Variants in ASAP3 observed in about 807,000 individuals in gnomAD.
ASAP3 encodes ArfGAP with SH3 domain, ankyrin repeat and PH domain 3.
Under a neutral mutation model 118.2 loss-of-function variants are expected in ASAP3, and 85 were observed. That is an observed-to-expected ratio of 0.72 (90% CI 0.60 to 0.86). The LOEUF (loss-of-function observed/expected upper bound fraction) is 0.86. Ranked by LOEUF, ASAP3 falls within the 40% of genes least tolerant of loss-of-function variation. The pLI is 0.00. For synonymous variants in ASAP3, 432 were observed against 477.4 expected (o/e 0.90, Z 1.24); for missense variants, 1,026 against 1,175.0 (o/e 0.87, Z 1.85).
chr1:23,435,808 G>A (rs768803681), intron 17 of ASAP3, 43 bp downstream of exon 17: 1 of 1,610,662 alleles, frequency 6.2e-7, no homozygotes, highest in African/African-American at 1.3e-5. Context: ...TGGGGAATAT[G>A]TTAGACAGGT....
intron 1 of ASAP3, among the ~76,000 whole-genome samples, chr1:23,462,271 G>A (rs2148646443): frequency 6.6e-6 from 1 of 151,562 alleles, no homozygotes; most frequent in South Asian, 2.1e-4. Context: ...TGATCCGCCT[G>A]CCTCGGCCTC....
chr1:23,435,734 G>A, intron 17 of ASAP3, 117 bp downstream of exon 17: 1 of 1,196,058 alleles, frequency 8.4e-7, no homozygotes, highest in Non-Finnish European at 1.2e-6. Flanking sequence ...ACTCTGATGG[G>A]TGAGATCTGA....
intron 1 of ASAP3, among the ~76,000 whole-genome samples, chr1:23,479,212 G>C (rs1297011820): frequency 6.6e-6 from 1 of 152,194 alleles, no homozygotes; most frequent in Admixed American, 6.5e-5. Flanking sequence ...ATGTGAGCAT[G>C]GGGGCTGTGC....
intron 5 of ASAP3, 124 bp from the exon 6 acceptor site, chr1:23,442,736 G>A: frequency 7.1e-7 from 1 of 1,418,276 alleles, no homozygotes; most frequent in South Asian, 1.4e-5. Flanking sequence ...CTGTGTGGTG[G>A]GGCTGGGTAC....
At position 23,439,676 on chromosome 1, in the gene ASAP3, T is replaced by C. The variant is rs371668363; in HGVS notation, c.945-446A>G. ...AATTAGCAAGTCCATGATCCAAAAC[T>C]CCGTAACACTTCTCCTGTAACAGGT... is the stretch of plus-strand genomic sequence containing the variant. On this transcript the variant is annotated intron_variant, in intron 10 of 24. Coordinates refer to ENST00000336689, the MANE Select transcript of ASAP3 (RefSeq NM_017707.4). 1.1e-4 allele frequency among the ~76,000 whole-genome samples: 16 copies of C among 152,306 alleles called. No individual in the cohort carries two copies. In the East Asian group the frequency reaches 1.9e-3, roughly 18 times the overall value.
chr1:23,478,485 G>A (rs1461107923), intron 1 of ASAP3, among the ~76,000 whole-genome samples: 1 of 151,090 alleles, frequency 6.6e-6, no homozygotes, highest in East Asian at 2.0e-4. Context: ...CTCCAGCCAG[G>A]TGCAGTGGCT....
intron 3 of ASAP3, among the ~76,000 whole-genome samples, chr1:23,455,029 C>T (rs969511665): frequency 2.0e-5 from 3 of 152,214 alleles, no homozygotes; most frequent in African/African-American, 7.2e-5. Flanking sequence ...GCCACAAGAG[C>T]TGGTCCAGTG....
At position 23,442,177 on chromosome 1, in the gene ASAP3, G is replaced by T. The variant is rs1404496960; in HGVS notation, c.671+9C>A. ...AGGGTTAGTGGCAGGGACGCGGGAA[G>T]ATACCTACTTGTGCTGGGCGTGGAA... On this transcript the variant is annotated intron_variant, in intron 7 of 24. Coordinates refer to ENST00000336689, the MANE Select transcript of ASAP3 (RefSeq NM_017707.4). 2 of 1,591,464 alleles carry T rather than the reference G, an allele frequency of 1.3e-6. No homozygotes were observed. Among genetic ancestry groups the T allele is most frequent in the Admixed American group, 1.8e-5 (1 of 55,424 alleles).
At position 23,441,152 on chromosome 1, in the gene ASAP3, G is replaced by C. The variant is rs1225443331; in HGVS notation, c.894C>G (p.Asn298Lys). 1 of 1,614,190 alleles carries C rather than the reference G, an allele frequency of 6.2e-7. No homozygotes were observed. The highest frequency in any genetic ancestry group is 1.1e-5 in the South Asian group (1 of 91,084). The change falls in exon 10 of 25, where the codon AAC becomes AAG. Residue 298 changes from asparagine (N) to lysine (K), a missense_variant. Physicochemically the swap from Asn to Lys is moderately conservative, Grantham distance 94. Transcript: ENST00000336689. ...CCACTTTCTCCGTCCCAAACTGCTT[G>C]TTGCCTTGGTGCTGGTGGATGCTAT... The part of the protein sequence containing the change: ...CGYSIHQHQG[N>K]KQFGTEKVGF...
chr1:23,436,372 G>A lies in ASAP3; in HGVS notation c.1571+188C>T, dbSNP rs755422234. Among the ~76,000 whole-genome samples the A allele has an allele frequency of 2.6e-5, 4 of 152,116 alleles. No individual in the cohort carries two copies. Among genetic ancestry groups the A allele is most frequent in the Non-Finnish European group, 5.9e-5 (4 of 68,018 alleles). On this transcript the variant is annotated intron_variant, in intron 16 of 24. Coordinates refer to ENST00000336689, the MANE Select transcript of ASAP3 (RefSeq NM_017707.4). This position sits in a 1 kb window ranked among gnomAD's most constrained non-coding sequence, Gnocchi z 4.2. ...CAGGCGGGGTTTTGCCATCTTAGCC[G>A]GGCTGGTCTCAAATTCCTGACCTCA... is the stretch of plus-strand genomic sequence containing the variant.
At chr1:23,464,888 C>T (rs1641717289) in intron 1 of ASAP3, among the ~76,000 whole-genome samples, 1 of 152,016 alleles carries the variant, frequency 6.6e-6, no homozygotes, top group African/African-American at 2.4e-5. Context: ...CTAATGCATG[C>T]TAAAGTTTGG....
intron 1 of ASAP3, among the ~76,000 whole-genome samples, chr1:23,478,879 G>A (rs1047743924): frequency 6.6e-6 from 1 of 152,196 alleles, no homozygotes; most frequent in Non-Finnish European, 1.5e-5. Context: ...GAACAGGATG[G>A]ACACAGCACC....
Position 23,437,487 on chromosome 1 carries a change from G to A in ASAP3, c.1103-15C>T. ...CGTCCGGTTGTCTGTCGGGAGAGAAGGGGGCTTCTGACCCACAGAAATGCT... is the reference window on the plus strand; with the variant it reads ...CGTCCGGTTGTCTGTCGGGAGAGAAAGGGGCTTCTGACCCACAGAAATGCT... On this transcript the variant is annotated splice_polypyrimidine_tract_variant and intron_variant, in intron 12 of 24. Coordinates refer to ENST00000336689, the MANE Select transcript of ASAP3 (RefSeq NM_017707.4). This position sits in a 1 kb window ranked among gnomAD's most constrained non-coding sequence, Gnocchi z 6.1. The A allele has an allele frequency of 2.5e-6, 4 of 1,613,980 alleles. No individual in the cohort carries two copies. Among genetic ancestry groups the A allele is most frequent in the Non-Finnish European group, 3.4e-6 (4 of 1,179,914 alleles).
At chr1:23,469,802 G>A (rs1259547055) in intron 1 of ASAP3, among the ~76,000 whole-genome samples, 1 of 152,210 alleles carries the variant, frequency 6.6e-6, no homozygotes, top group Non-Finnish European at 1.5e-5. Context: ...AGGTTAGGCA[G>A]TTTGCTCAAG....
intron 4 of ASAP3, among the ~76,000 whole-genome samples, 162 bp from the exon 5 acceptor site, chr1:23,451,690 C>T (rs1056638803): frequency 1.3e-5 from 2 of 152,146 alleles, no homozygotes; most frequent in Non-Finnish European, 2.9e-5. Context: ...GCAAACCTGC[C>T]CCCACCAAAC....
chr1:23,476,675 T>C lies in ASAP3; in HGVS notation c.129+7330A>G, dbSNP rs572477845. 5.9e-5 allele frequency among the ~76,000 whole-genome samples: 9 copies of C among 152,346 alleles called. No individual in the cohort carries two copies. In the South Asian group the frequency reaches 1.9e-3, roughly 32 times the overall value. ...CACTACCAGGGCCATCAAACTTGAA[T>C]ATGGCCTTGCCACCACCACCCAAAC... On this transcript the variant is annotated intron_variant, in intron 1 of 24. Transcript: ENST00000336689.
At chr1:23,441,322 C>T in intron 9 of ASAP3, 65 bp downstream of exon 9, 1 of 1,606,186 alleles carries the variant, frequency 6.2e-7, no homozygotes, top group South Asian at 1.1e-5. Flanking sequence ...GGTCTTCCTT[C>T]TCTCCCTCCC....
Position 23,484,166 on chromosome 1 carries a change from G to C in ASAP3, c.-33C>G, listed in dbSNP as rs1313446945. ...GCGAGCGTGGAGCTGCCGGAGCGGGGCGCGGGGGGCACTGAGCTGCTCCGC... is the reference window on the plus strand; with the variant it reads ...GCGAGCGTGGAGCTGCCGGAGCGGGCCGCGGGGGGCACTGAGCTGCTCCGC... On this transcript the variant is annotated 5_prime_UTR_variant, in exon 1 of 25. Transcript: ENST00000336689. 17 of 1,246,318 alleles carry C rather than the reference G, an allele frequency of 1.4e-5. No homozygotes were observed. Among genetic ancestry groups the C allele is most frequent in the Non-Finnish European group, 1.6e-5 (16 of 995,622 alleles). 77.2% of individuals were successfully genotyped at this position (1,246,318 alleles called of 1,614,324 possible). A position where few individuals can be genotyped will look rare whatever the true frequency, so the allele number is the denominator to read the frequency against.
chr1:23,458,525 G>A (rs1318041676), intron 1 of ASAP3, among the ~76,000 whole-genome samples: 2 of 152,006 alleles, frequency 1.3e-5, no homozygotes, highest in African/African-American at 4.8e-5. Flanking sequence ...CCTGAGCCTG[G>A]GGAGGTCAAA....
Sources: gnomAD v4.1 joint callset for allele counts (sites outside exome capture counted in the v4.1 genomes callset) on GRCh38, gnomAD v4.1.1 for gene constraint, Gnocchi (gnomAD v3.1) non-coding constraint, MANE v1.5 for transcripts, NCBI Gene and HGNC (gene_info 2026-07-23, HGNC 2026-07-21) for gene names.